The following COMMD1 variants were observed in gnomAD, a reference collection of about 807,000 sequenced individuals.
COMMD1 encodes copper metabolism domain containing 1.
Under a neutral mutation model 17.2 loss-of-function variants are expected in COMMD1, and 10 were observed. The ratio of observed to expected loss-of-function variants is 0.58; its 90% CI spans 0.36 to 0.99. The LOEUF is 0.99. Ranked by LOEUF, COMMD1 falls within the 50% of genes least tolerant of loss-of-function variation. The pLI, the probability that COMMD1 is intolerant of heterozygous loss-of-function variation, is 0.01. For synonymous variants in COMMD1, 97 were observed against 91.6 expected (o/e 1.06, Z -0.34); for missense variants, 270 against 231.8 (o/e 1.17, Z -1.07).
chr2:61,900,676 G>T (rs1669638266), upstream of COMMD1, among the ~76,000 whole-genome samples: 2 of 152,146 alleles, frequency 1.3e-5, no homozygotes, highest in African/African-American at 2.4e-5. Context: ...GGTCCCCTTG[G>T]CCAAGAGGAG....
chr2:61,891,927 G>A (rs1395150836), intron 1 of COMMD1, among the ~76,000 whole-genome samples: 1 of 151,610 alleles, frequency 6.6e-6, no homozygotes, highest in East Asian at 2.0e-4. Flanking sequence ...CGCCTCCCGG[G>A]TTCACGCCAT....
chr2:61,960,422 GAGT>G (rs1671310821), intron 1 of COMMD1, among the ~76,000 whole-genome samples: 1 of 152,118 alleles, frequency 6.6e-6, no homozygotes, highest in Admixed American at 6.5e-5. Flanking sequence ...CAACAAGAAG[GAGT>G]ATACTTAATA....
At chr2:62,109,009 GC>G (rs1359955910) in intron 2 of COMMD1, among the ~76,000 whole-genome samples, 1 of 152,098 alleles carries the variant, frequency 6.6e-6, no homozygotes, top group African/African-American at 2.4e-5. Context: ...TCCCCATATT[GC>G]CCCAGCAAGC....
chr2:62,006,091 A>G (rs959697530), intron 2 of COMMD1, among the ~76,000 whole-genome samples: 6 of 150,804 alleles, frequency 4.0e-5, no homozygotes, highest in African/African-American at 1.5e-4. Flanking sequence ...AAACTATCGC[A>G]AGGACAAAAA....
At chr2:61,981,255 A>G (rs889879325) in intron 1 of COMMD1, among the ~76,000 whole-genome samples, 4 of 152,136 alleles carry the variant, frequency 2.6e-5, no homozygotes, top group African/African-American at 4.8e-5. Context: ...AGTTTCCCCA[A>G]TGTTTTCTTG....
At chr2:62,052,240 C>T (rs1275622229) in intron 2 of COMMD1, among the ~76,000 whole-genome samples, 1 of 152,124 alleles carries the variant, frequency 6.6e-6, no homozygotes, top group East Asian at 1.9e-4. Flanking sequence ...TGCTTGACCC[C>T]AGGAGTTCGA....
chr2:62,135,442 T>G (rs1022723667), intron 2 of COMMD1, among the ~76,000 whole-genome samples: 1 of 151,884 alleles, frequency 6.6e-6, no homozygotes, highest in Non-Finnish European at 1.5e-5. Context: ...GCTCCGACTT[T>G]CGGGTTCACG....
At chr2:62,065,853 G>A (rs941039048) in intron 2 of COMMD1, among the ~76,000 whole-genome samples, 1 of 152,190 alleles carries the variant, frequency 6.6e-6, no homozygotes, top group Non-Finnish European at 1.5e-5. Flanking sequence ...GGAAACCTCT[G>A]TGATGATTTG....
At chr2:61,975,380 A>T (rs1671775011) in intron 1 of COMMD1, among the ~76,000 whole-genome samples, 1 of 152,104 alleles carries the variant, frequency 6.6e-6, no homozygotes, top group Admixed American at 6.6e-5. Context: ...GGAGGTATCA[A>T]GGAGAGTGAT....
chr2:61,926,882 G>C (rs1670341350), intron 1 of COMMD1, among the ~76,000 whole-genome samples: 1 of 152,038 alleles, frequency 6.6e-6, no homozygotes, highest in Non-Finnish European at 1.5e-5. Flanking sequence ...GTGCCTCTGT[G>C]ATTTGTTTTT....
At chr2:61,904,119 T>C (rs1669717168), upstream of COMMD1, among the ~76,000 whole-genome samples, 1 of 152,092 alleles carries the variant, frequency 6.6e-6, no homozygotes, top group Non-Finnish European at 1.5e-5. Flanking sequence ...CATGCCATTC[T>C]CCTGCCCCAG....
chr2:62,026,545 G>A (rs1334781755), intron 2 of COMMD1, among the ~76,000 whole-genome samples: 1 of 152,136 alleles, frequency 6.6e-6, no homozygotes, highest in Non-Finnish European at 1.5e-5. Context: ...GATTTGGGTG[G>A]GGACAAATAC....
At chr2:61,960,014 A>G (rs1369072654) in intron 1 of COMMD1, among the ~76,000 whole-genome samples, 2 of 152,180 alleles carry the variant, frequency 1.3e-5, no homozygotes, top group African/African-American at 4.8e-5. Flanking sequence ...ATAGTTAAGG[A>G]AGCTTCTCCA....
At chr2:62,025,181 C>G (rs1669722438) in intron 2 of COMMD1, among the ~76,000 whole-genome samples, 1 of 152,086 alleles carries the variant, frequency 6.6e-6, no homozygotes, top group African/African-American at 2.4e-5. Flanking sequence ...GATTGCACCA[C>G]TGCACTCCAG....
At chr2:62,002,069 C>G (rs1489600114) in intron 2 of COMMD1, among the ~76,000 whole-genome samples, 2 of 152,172 alleles carry the variant, frequency 1.3e-5, no homozygotes, top group African/African-American at 4.8e-5. Flanking sequence ...ACTTGGGAGG[C>G]TGAGGCACGA....
chr2:62,005,406 G>A (rs986133809), intron 2 of COMMD1, among the ~76,000 whole-genome samples: 1 of 152,044 alleles, frequency 6.6e-6, no homozygotes, highest in Non-Finnish European at 1.5e-5. Context: ...CAGTTTGTCT[G>A]TATTACTTTT....
At chr2:62,098,166 T>A (rs369986296) in intron 2 of COMMD1, among the ~76,000 whole-genome samples, 2 of 148,492 alleles carry the variant, frequency 1.3e-5, no homozygotes, top group East Asian at 3.9e-4. Context: ...TTCTTTCTTT[T>A]TTTTTTTTTT....
intron 2 of COMMD1, among the ~76,000 whole-genome samples, chr2:62,093,035 A>G (rs1671881464): frequency 6.6e-6 from 1 of 152,182 alleles, no homozygotes; most frequent in African/African-American, 2.4e-5. Flanking sequence ...TGGATTGAAC[A>G]ACTTGTCCAG....
intron 2 of COMMD1, among the ~76,000 whole-genome samples, chr2:62,080,764 G>A (rs17573965): frequency 0.088 from 13,076 of 148,102 alleles, 731 homozygotes; most frequent in Non-Finnish European, 0.12. Context: ...CATACTTATG[G>A]AGTTCTGGAT....
Sources: allele counts gnomAD v4.1 joint callset (sites outside exome capture counted in the v4.1 genomes callset), GRCh38; gene constraint gnomAD v4.1.1; transcripts MANE v1.5; gene names NCBI Gene and HGNC (gene_info 2026-07-23, HGNC 2026-07-21).